GAD2: variants seen among roughly 807,000 people sequenced by gnomAD.
GAD2 encodes glutamate decarboxylase 2, also known as 65 kDa glutamic acid decarboxylase.
Under a neutral mutation model 80.1 loss-of-function variants are expected in GAD2, and 22 were observed. The observed-to-expected ratio is 0.27, with a 90% CI of 0.20 to 0.39. The LOEUF (loss-of-function observed/expected upper bound fraction) is 0.39, where lower values mean the gene tolerates loss of function less well. Among genes scored for constraint, GAD2 ranks in the 10% least tolerant of loss-of-function variants. The pLI is 1.00. For missense variants in GAD2, 624 were observed against 738.4 expected (o/e 0.85, Z 1.80); for synonymous variants, 274 against 256.9 (o/e 1.07, Z -0.64).
intron 15 of GAD2, among the ~76,000 whole-genome samples, chr10:26,298,871 A>T (rs1190558033): frequency 2.0e-5 from 3 of 152,216 alleles, no homozygotes; most frequent in Non-Finnish European, 4.4e-5. Flanking sequence ...ATATGCTAGT[A>T]GATCTATTTT....
At chr10:26,248,458 C>T (rs1410662346) in intron 8 of GAD2, among the ~76,000 whole-genome samples, 1 of 152,134 alleles carries the variant, frequency 6.6e-6, no homozygotes, top group African/African-American at 2.4e-5. Context: ...ACGTACCAGC[C>T]AATCCATTTG....
In GAD2 at chr10:26,224,545, C is replaced by T. The variant is rs1025999960; in HGVS notation, c.618C>T (p.Thr206=). 35 of 1,604,776 alleles carry T rather than the reference C, an allele frequency of 2.2e-5. No homozygotes were observed. The highest frequency in any genetic ancestry group is 2.9e-5 in the Non-Finnish European group (34 of 1,171,584). Residue 206 remains threonine (T), a synonymous_variant, in exon 6 of 16, where the codon ACC becomes ACT. Transcript: ENST00000376261. ...LTSTANTNMF[T]YEIAPVFVLL... is the part of the protein sequence containing the mutation. ...GGCCATTACTACATTTCAGGTTCACCTATGAAATTGCTCCAGTATTTGTGC... is the reference window on the plus strand; with the variant it reads ...GGCCATTACTACATTTCAGGTTCACTTATGAAATTGCTCCAGTATTTGTGC...
rs80176755 is a variant in GAD2 at position 26,289,645 on chromosome 10, G to A, written c.1387-2820G>A. Among the ~76,000 whole-genome samples the A allele has an allele frequency of 5.5e-4, 83 of 151,246 alleles. 1 individual carries two copies. Among genetic ancestry groups the A allele is most frequent in the African/African-American group, 1.9e-3 (80 of 41,170 alleles). ...TGCCTACCGTTGACTCTCCTCTTAC[G>A]GAGTTGGCCTTTCATTTTGTCTGCA... On this transcript the variant is annotated intron_variant, in intron 13 of 15. Transcript: ENST00000376261.
chr10:26,273,510 A>G (rs550539160), intron 10 of GAD2, 126 bp from the exon 11 acceptor site: 2 of 740,716 alleles, frequency 2.7e-6, no homozygotes, highest in Non-Finnish European at 4.8e-6. Flanking sequence ...GGTTAGTGCC[A>G]GAAGGAGGTG....
chr10:26,224,207 C>G (rs957095020), intron 5 of GAD2, among the ~76,000 whole-genome samples: 1 of 152,008 alleles, frequency 6.6e-6, no homozygotes, highest in Non-Finnish European at 1.5e-5. Context: ...TTTTTTCTCA[C>G]GTTTGATTTA....
chr10:26,256,233 A>G (rs1191223605), intron 8 of GAD2, among the ~76,000 whole-genome samples: 1 of 151,776 alleles, frequency 6.6e-6, no homozygotes, highest in Non-Finnish European at 1.5e-5. Flanking sequence ...TTATATATGT[A>G]TGTATATATG....
At chr10:26,261,516 A>G (rs932560650) in intron 8 of GAD2, among the ~76,000 whole-genome samples, 2 of 152,162 alleles carry the variant, frequency 1.3e-5, no homozygotes, top group Admixed American at 6.5e-5. Context: ...AGGTGAAGCT[A>G]TTAGGTCCTG....
At chr10:26,225,290 A>T (rs1844506580) in intron 6 of GAD2, among the ~76,000 whole-genome samples, 1 of 152,190 alleles carries the variant, frequency 6.6e-6, no homozygotes. Flanking sequence ...TTGAATTCTA[A>T]GCTCCATTAC....
At chr10:26,265,433 G>C (rs1221611814) in intron 8 of GAD2, among the ~76,000 whole-genome samples, 1 of 151,990 alleles carries the variant, frequency 6.6e-6, no homozygotes, top group Admixed American at 6.6e-5. Context: ...TCAATATCTT[G>C]ACCTCGTGAT....
At chr10:26,252,950 G>A (rs1844897638) in intron 8 of GAD2, among the ~76,000 whole-genome samples, 2 of 152,124 alleles carry the variant, frequency 1.3e-5, no homozygotes, top group Admixed American at 1.3e-4. Flanking sequence ...GAGCCACCAT[G>A]CCTGGCCAAC....
intron 8 of GAD2, among the ~76,000 whole-genome samples, chr10:26,259,325 A>C (rs1166013574): frequency 6.6e-6 from 1 of 152,188 alleles, no homozygotes. Context: ...CCAGCAGTAC[A>C]CAGGGTTCCA....
intron 11 of GAD2, among the ~76,000 whole-genome samples, chr10:26,275,470 T>G (rs1373983954): frequency 6.6e-6 from 1 of 152,224 alleles, no homozygotes; most frequent in Non-Finnish European, 1.5e-5. Context: ...TTCCTCTTAT[T>G]GCCGCAATTC....
Position 26,275,342 on chromosome 10 carries a change from T to C in GAD2, c.1157+1642T>C, listed in dbSNP as rs149965326. Among the ~76,000 whole-genome samples, 86 of 152,292 alleles carry C rather than the reference T, an allele frequency of 5.6e-4. No individual in the cohort carries two copies. The East Asian group carries it at 0.016, about 29-fold the overall frequency. ...CTGAAAGTCCTGGCACATCCTCCACTTAAAAACTCACTAAATTACCTACCC... is the reference window on the plus strand; with the variant it reads ...CTGAAAGTCCTGGCACATCCTCCACCTAAAAACTCACTAAATTACCTACCC... On this transcript the variant is annotated intron_variant, in intron 11 of 15. Transcript: ENST00000376261.
intron 15 of GAD2, among the ~76,000 whole-genome samples, chr10:26,297,230 A>G (rs1322348665): frequency 6.6e-6 from 1 of 152,210 alleles, no homozygotes; most frequent in Non-Finnish European, 1.5e-5. Flanking sequence ...CCTAGCCAAC[A>G]GTTTAGAATT....
chr10:26,267,748 T>A (rs1327109837), intron 8 of GAD2, among the ~76,000 whole-genome samples: 1 of 152,102 alleles, frequency 6.6e-6, no homozygotes, highest in East Asian at 1.9e-4. Flanking sequence ...CCAATTATTT[T>A]GTCACGCCTC....
chr10:26,224,868 T>G, intron 6 of GAD2: 1 of 516,812 alleles, frequency 1.9e-6, no homozygotes, highest in Non-Finnish European at 3.4e-6. Flanking sequence ...GTGTGCAAAG[T>G]GAGCATAATC....
At chr10:26,266,441 C>T (rs922147237) in intron 8 of GAD2, among the ~76,000 whole-genome samples, 3 of 152,300 alleles carry the variant, frequency 2.0e-5, no homozygotes, top group South Asian at 4.1e-4. Context: ...TCCCCCAAGG[C>T]GTCCATATTC....
Position 26,217,777 on chromosome 10 carries a change from G to A in GAD2, c.137-65G>A. 1.9e-6 allele frequency: 3 copies of A among 1,579,646 alleles called. No individual in the cohort carries two copies. Among genetic ancestry groups the A allele is most frequent in the Non-Finnish European group, 1.7e-6 (2 of 1,161,820 alleles). The stretch of plus-strand genomic sequence containing the variant: ...GTCGGGGTTTCCTGGCTGCGGGTAG[G>A]CGGGAGCGAGGGAGCCGGGCCCGGC... On this transcript the variant is annotated intron_variant, in intron 2 of 15. Transcript: ENST00000376261. The surrounding 1 kb of genome is among the most constrained non-coding windows in gnomAD (Gnocchi z 4.9).
In GAD2 at chr10:26,300,992, C is replaced by T; in HGVS notation, c.*31C>T. 5.1e-6 allele frequency: 8 copies of T among 1,568,384 alleles called. No individual in the cohort carries two copies. The highest frequency in any genetic ancestry group is 7.0e-6 in the Non-Finnish European group (8 of 1,140,044). On this transcript the variant is annotated 3_prime_UTR_variant, in exon 16 of 16. Coordinates refer to ENST00000376261, the MANE Select transcript of GAD2 (RefSeq NM_001134366.2). The stretch of plus-strand genomic sequence containing the variant: ...TTGCTCACCAAGCTGTTCCACTTCT[C>T]TAGGTAGACAATTAAGTTGTCACAA...
Sources: gnomAD v4.1 joint callset for allele counts (sites outside exome capture counted in the v4.1 genomes callset) on GRCh38, gnomAD v4.1.1 for gene constraint, Gnocchi (gnomAD v3.1) non-coding constraint, MANE v1.5 for transcripts, NCBI Gene and HGNC (gene_info 2026-07-23, HGNC 2026-07-21) for gene names.